The following SHROOM2 variants were observed in gnomAD, a reference collection of about 807,000 sequenced individuals.
SHROOM2 encodes the protein shroom family member 2, also known as protein Shroom2.
A neutral mutation model predicts 75.9 loss-of-function variants in SHROOM2; 33 were observed. That is an observed-to-expected ratio of 0.43 (90% CI 0.33 to 0.58). The LOEUF is 0.58. Among genes scored for constraint, SHROOM2 ranks in the 20% least tolerant of loss-of-function variants. The pLI is 0.04. For synonymous variants in SHROOM2, 655 were observed against 663.6 expected, an observed-to-expected ratio of 0.99 and a Z score of 0.20; for missense variants, 1,434 against 1,461.2, an observed-to-expected ratio of 0.98 and a Z score of 0.30.
intron 1 of SHROOM2, among the ~76,000 whole-genome samples, chrX:9,834,512 C>T (rs193038308): frequency 8.6e-4 from 96 of 111,761 alleles, no homozygotes; most frequent in Non-Finnish European, 1.2e-3. Context: ...CAAGGCAGCT[C>T]GTGGAACTTC....
intron 6 of SHROOM2, among the ~76,000 whole-genome samples, chrX:9,935,474 C>G (rs1006886946): frequency 9.0e-6 from 1 of 111,325 alleles, no homozygotes; most frequent in East Asian, 2.8e-4. Context: ...GCCACTGTGC[C>G]TAGCCAGGGT....
chrX:9,806,998 A>G (rs139610809), intron 1 of SHROOM2, among the ~76,000 whole-genome samples: 87 of 112,025 alleles, frequency 7.8e-4, no homozygotes, highest in Middle Eastern at 4.7e-3. Flanking sequence ...TGCTGGGATT[A>G]CAGGCGTGAG....
At chrX:9,816,436 G>C (rs1475920694) in intron 1 of SHROOM2, among the ~76,000 whole-genome samples, 6 of 112,313 alleles carry the variant, frequency 5.3e-5, no homozygotes, top group African/African-American at 1.6e-4. Context: ...TAGGATTTTT[G>C]TCCTGACCCC....
chrX:9,946,624 C>G (rs1375570557), intron 9 of SHROOM2, 47 bp from the exon 10 acceptor site: 2 of 1,167,839 alleles, frequency 1.7e-6, no homozygotes, highest in Non-Finnish European at 2.3e-6. Context: ...TGGCCAGTGC[C>G]CCAGCTTTCA....
Position 9,891,044 on chromosome X carries a change from C to A in SHROOM2, c.385C>A (p.Leu129Ile), listed in dbSNP as rs899349038. Residue 129 changes from leucine (L) to isoleucine (I), a missense_variant, in exon 3 of 10, where the codon CTA (leucine) becomes ATA (isoleucine). Leu to Ile is a conservative substitution (Grantham distance 5, BLOSUM62 2). This residue lies in a region of SHROOM2 where 1,340 missense variants were observed against 1,338.3 expected (regional missense o/e 1.00). Transcript: ENST00000380913. ...CAAGTTCTCTGACAGCCACCCCGAGCTAGCGGCCTCCCCATTCACCTCCAC... is the reference window on the plus strand; with the variant it reads ...CAAGTTCTCTGACAGCCACCCCGAGATAGCGGCCTCCCCATTCACCTCCAC... Reference protein sequence around the residue: ...ATKFSDSHPELAASPFTSTSG... With the variant: ...ATKFSDSHPEIAASPFTSTSG... The A allele has an allele frequency of 2.5e-6, 3 of 1,201,115 alleles. No homozygotes were observed. The African/African-American group carries it at 5.2e-5, about 21-fold the overall frequency.
chrX:9,816,580 C>CTGCTGCTGCTGCTG (rs766424926), intron 1 of SHROOM2, among the ~76,000 whole-genome samples: 1 of 102,518 alleles, frequency 9.8e-6, no homozygotes, highest in African/African-American at 3.6e-5. Flanking sequence ...AGCCTTACCC[C>CTGCTGCTGCTGCTG]CTGCTGCTGC....
At chrX:9,927,027 T>G (rs2084600798) in intron 5 of SHROOM2, among the ~76,000 whole-genome samples, 1 of 110,911 alleles carries the variant, frequency 9.0e-6, no homozygotes, top group Non-Finnish European at 1.9e-5. Context: ...CAAATCAGAA[T>G]GCATCCCTAT....
At position 9,895,750 on chromosome X, in the gene SHROOM2, C is replaced by A; in HGVS notation, c.1842C>A (p.Ala614=). 8.3e-7 allele frequency: 1 copy of A among 1,201,186 alleles called. No individual in the cohort carries two copies. Among genetic ancestry groups the A allele is most frequent in the African/African-American group, 1.7e-5 (1 of 57,803 alleles). The change falls in exon 4 of 10, where the codon GCC becomes GCA. Residue 614 remains alanine, a synonymous_variant. Transcript: ENST00000380913. ...DSATRPPPFD[A]HVGKPTRRSD... is the part of the protein sequence containing the mutation. The stretch of plus-strand genomic sequence containing the variant: ...CCACCAGACCGCCACCGTTCGACGC[C>A]CACGTGGGCAAGCCCACCCGAAGAA...
At position 9,890,990 on chromosome X, in the gene SHROOM2, G is replaced by A; in HGVS notation, c.331G>A (p.Gly111Ser). The A allele has an allele frequency of 1.7e-6, 2 of 1,205,994 alleles. No homozygotes were observed. The highest frequency in any genetic ancestry group is 2.3e-4 in the Middle Eastern group (1 of 4,324). ...GTTCTTTTCTAGGAGGAGCGAGCTG[G>A]GCTGGAGGCCTCACTCCTGGCATGC... ...KLVVKRRSEL[G>S]WRPHSWHATK... is the part of the protein sequence containing the mutation. Residue 111 changes from glycine (G) to serine (S), a missense_variant, in exon 3 of 10, where the codon GGC (glycine) becomes AGC (serine). Around this residue, in one of 3 missense-constraint regions of SHROOM2, gnomAD observed 1,340 missense variants for 1,338.3 expected, o/e 1.00. Coordinates refer to ENST00000380913, the MANE Select transcript of SHROOM2 (RefSeq NM_001649.4).
chrX:9,922,442 C>T (rs1159753614), intron 5 of SHROOM2, among the ~76,000 whole-genome samples: 1 of 110,145 alleles, frequency 9.1e-6, no homozygotes, highest in African/African-American at 3.4e-5. Flanking sequence ...AAACCCTGCC[C>T]CACAACCATC....
intron 2 of SHROOM2, among the ~76,000 whole-genome samples, chrX:9,884,389 T>TTTTTTG (rs2084249373): frequency 9.4e-6 from 1 of 105,883 alleles, no homozygotes; most frequent in East Asian, 2.9e-4. Context: ...TTTTTTTTTT[T>TTTTTTG]AGTTTGAGGG....
intron 1 of SHROOM2, 28 bp from the exon 2 acceptor site, chrX:9,873,624 G>C: frequency 1.7e-6 from 2 of 1,209,280 alleles, no homozygotes; most frequent in African/African-American, 1.7e-5. Context: ...CTCGTGGAAG[G>C]CTCATGGAAC....
intron 1 of SHROOM2, among the ~76,000 whole-genome samples, chrX:9,808,103 C>T (rs1487956156): frequency 1.8e-5 from 2 of 111,317 alleles, no homozygotes; most frequent in South Asian, 3.8e-4. Flanking sequence ...TGGAGCATTC[C>T]GATCTCCGGT....
chrX:9,871,042 C>T (rs1311523103), intron 1 of SHROOM2, among the ~76,000 whole-genome samples: 1 of 111,470 alleles, frequency 9.0e-6, no homozygotes, highest in African/African-American at 3.3e-5. Context: ...CAAGAAAAGC[C>T]ACTAAAGACC....
Position 9,932,812 on chromosome X carries a change from G to C in SHROOM2, c.3529G>C (p.Ala1177Pro). Residue 1177 changes from alanine to proline, a missense_variant, in exon 6 of 10, where the codon GCC (alanine) becomes CCC (proline). Physicochemically the swap from Ala to Pro is conservative, Grantham distance 27. This residue lies in a region of SHROOM2 where 1,340 missense variants were observed against 1,338.3 expected (regional missense o/e 1.00). Coordinates refer to ENST00000380913, the MANE Select transcript of SHROOM2 (RefSeq NM_001649.4). ...CTCGCGCTCCCCCTCGCCCCAGTTC[G>C]CCCCCCAGAAACTGACGGACAAACC... Reference protein sequence around the residue: ...ETSRSPSPQFAPQKLTDKPPL... With the variant: ...ETSRSPSPQFPPQKLTDKPPL... 8.3e-7 allele frequency: 1 copy of C among 1,205,838 alleles called. No homozygotes were observed. Among genetic ancestry groups the C allele is most frequent in the South Asian group, 1.8e-5 (1 of 56,513 alleles).
intron 8 of SHROOM2, among the ~76,000 whole-genome samples, chrX:9,943,855 T>G (rs980425033): frequency 8.9e-6 from 1 of 111,793 alleles, no homozygotes; most frequent in Non-Finnish European, 1.9e-5. Context: ...AATTAAAATT[T>G]TTTTTCTTTT....
At chrX:9,939,575 C>T (rs1431872472) in intron 8 of SHROOM2, among the ~76,000 whole-genome samples, 2 of 112,130 alleles carry the variant, frequency 1.8e-5, no homozygotes, top group Non-Finnish European at 3.8e-5. Flanking sequence ...ATTCCACAAA[C>T]GTCTCTTTGC....
At chrX:9,910,309 C>T (rs2084415569) in intron 5 of SHROOM2, among the ~76,000 whole-genome samples, 1 of 110,981 alleles carries the variant, frequency 9.0e-6, no homozygotes, top group Non-Finnish European at 1.9e-5. Context: ...ACAAACACAC[C>T]CCATAGTAAG....
chrX:9,883,150 G>C (rs979386890), intron 2 of SHROOM2, among the ~76,000 whole-genome samples: 3 of 112,518 alleles, frequency 2.7e-5, no homozygotes, highest in African/African-American at 9.7e-5. Context: ...TTTAGGTCCC[G>C]TCTTCCAGGA....
Sources: gnomAD v4.1 joint callset for allele counts (sites outside exome capture counted in the v4.1 genomes callset) on GRCh38, gnomAD v4.1.1 for gene constraint, gnomAD v4.1.1 regional missense constraint, MANE v1.5 for transcripts, NCBI Gene and HGNC (gene_info 2026-07-23, HGNC 2026-07-21) for gene names.